Variants in SLMAP observed in about 807,000 individuals in gnomAD.
The protein encoded by SLMAP is sarcolemmal membrane-associated protein.
Under a neutral mutation model 128.8 loss-of-function variants are expected in SLMAP, and 44 were observed. The observed-to-expected ratio is 0.34, with a 90% confidence interval of 0.27 to 0.44. The LOEUF is 0.44. SLMAP is among the 20% of genes least tolerant of loss of function. The probability of loss-of-function intolerance (pLI) is 1.00; values close to 1 mark genes in which losing one functional copy is unlikely to be tolerated. For missense variants in SLMAP, 787 were observed against 985.3 expected (o/e 0.80, Z 2.69); for synonymous variants, 327 against 348.8 (o/e 0.94, Z 0.70).
intron 2 of SLMAP, among the ~76,000 whole-genome samples, chr3:57,799,169 C>T (rs989072318): frequency 6.6e-6 from 1 of 152,154 alleles, no homozygotes; most frequent in East Asian, 1.9e-4. Flanking sequence ...GATACAATAA[C>T]TGATGCTAAG....
chr3:57,925,980 T>G, intron 24 of SLMAP, 46 bp downstream of exon 24: 2 of 1,354,298 alleles, frequency 1.5e-6, no homozygotes, highest in East Asian at 2.5e-5. Flanking sequence ...CCCCGTCACC[T>G]TTTTGTGCCA....
intron 2 of SLMAP, among the ~76,000 whole-genome samples, chr3:57,790,353 A>T (rs1287841187): frequency 6.6e-6 from 1 of 152,170 alleles, no homozygotes; most frequent in Non-Finnish European, 1.5e-5. Context: ...TTTGGCCAAG[A>T]TCACAGATCT....
At chr3:57,855,665 C>A (rs1306016596) in intron 6 of SLMAP, among the ~76,000 whole-genome samples, 9 of 138,594 alleles carry the variant, frequency 6.5e-5, no homozygotes, top group Non-Finnish European at 6.0e-5. Flanking sequence ...TCTTTGAGAC[C>A]AGGAGTTCAA....
At chr3:57,908,147 C>A in intron 18 of SLMAP, 141 bp downstream of exon 18, 1 of 706,056 alleles carries the variant, frequency 1.4e-6, no homozygotes, top group Non-Finnish European at 2.3e-6. Flanking sequence ...TTTACTTGAC[C>A]TCTCTAAACT....
intron 9 of SLMAP, 65 bp downstream of exon 9, chr3:57,860,904 C>G: frequency 7.5e-7 from 1 of 1,329,456 alleles, no homozygotes; most frequent in Non-Finnish European, 1.0e-6. Flanking sequence ...TCAAGCATTC[C>G]AGGATACTTT....
intron 19 of SLMAP, among the ~76,000 whole-genome samples, chr3:57,911,576 CA>C (rs2153689680): frequency 6.6e-6 from 1 of 152,132 alleles, no homozygotes; most frequent in East Asian, 1.9e-4. Context: ...CTCATTAATT[CA>C]ACCAATAATT....
At chr3:57,799,901 T>C (rs2087790130) in intron 2 of SLMAP, among the ~76,000 whole-genome samples, 1 of 152,202 alleles carries the variant, frequency 6.6e-6, no homozygotes, top group Admixed American at 6.5e-5. Flanking sequence ...AAATTTACAG[T>C]ATCCCCTTAA....
chr3:57,818,216 C>T (rs552859551), intron 2 of SLMAP, among the ~76,000 whole-genome samples: 37 of 152,072 alleles, frequency 2.4e-4, no homozygotes, highest in Non-Finnish European at 4.6e-4. Context: ...AGTGCAGTGG[C>T]GCAATCTTGG....
intron 17 of SLMAP, chr3:57,899,638 G>C (rs140724559): frequency 6.6e-6 from 1 of 152,066 alleles, no homozygotes; most frequent in Non-Finnish European, 1.5e-5. Flanking sequence ...GAGCTCAAGC[G>C]TTCCTCTCAC....
rs777232042 is a variant in SLMAP at position 57,896,946 on chromosome 3, T to G, written c.1501+14T>G. The G allele has an allele frequency of 6.2e-7, 1 of 1,613,338 alleles. No individual in the cohort carries two copies. The highest frequency in any genetic ancestry group is 1.1e-5 in the South Asian group (1 of 90,812). Reference sequence around the variant, plus strand: ...CCCTTTTAAAAGGTACTTTAACATGTTTTTATGACATCGTAAACCAGGGTA... The same window carrying G: ...CCCTTTTAAAAGGTACTTTAACATGGTTTTATGACATCGTAAACCAGGGTA... On this transcript the variant is annotated intron_variant, in intron 17 of 24. Coordinates refer to ENST00000671191, the MANE Select transcript of SLMAP (RefSeq NM_001377540.1).
intron 2 of SLMAP, among the ~76,000 whole-genome samples, chr3:57,768,210 T>G (rs574044071): frequency 6.6e-6 from 1 of 152,338 alleles, no homozygotes; most frequent in Admixed American, 6.5e-5. Flanking sequence ...GTTAGTACTG[T>G]ATCTTTTGTC....
intron 2 of SLMAP, among the ~76,000 whole-genome samples, chr3:57,777,919 A>T (rs2082249948): frequency 6.6e-6 from 1 of 152,210 alleles, no homozygotes; most frequent in Admixed American, 6.5e-5. Context: ...GATATGGTGA[A>T]TTTCATTGAT....
At chr3:57,854,037 GTA>G (rs553427706) in intron 6 of SLMAP, among the ~76,000 whole-genome samples, 1 of 85,370 alleles carries the variant, frequency 1.2e-5, no homozygotes, top group Non-Finnish European at 2.3e-5. Flanking sequence ...TATATAATGT[GTA>G]TATATATACA....
At chr3:57,841,408 T>G (rs2093927853) in intron 4 of SLMAP, 37 bp downstream of exon 4, 1 of 1,223,178 alleles carries the variant, frequency 8.2e-7, no homozygotes, top group Non-Finnish European at 1.2e-6. Flanking sequence ...TTTTGTGAAG[T>G]TTAGTACTGT....
chr3:57,783,570 A>G (rs1037721633), intron 2 of SLMAP, among the ~76,000 whole-genome samples: 2 of 152,240 alleles, frequency 1.3e-5, no homozygotes, highest in African/African-American at 4.8e-5. Context: ...AGTTGGATTT[A>G]TAATTAAAAG....
At chr3:57,768,507 C>T (rs571719030) in intron 2 of SLMAP, among the ~76,000 whole-genome samples, 1 of 152,158 alleles carries the variant, frequency 6.6e-6, no homozygotes, top group South Asian at 2.1e-4. Context: ...TTGCTTGAGG[C>T]CAGGATTTCA....
At chr3:57,837,502 G>A (rs2093694400) in intron 3 of SLMAP, among the ~76,000 whole-genome samples, 2 of 152,094 alleles carry the variant, frequency 1.3e-5, no homozygotes, top group Admixed American at 1.3e-4. Context: ...CCTAGTAGCT[G>A]GGACTACAGG....
At chr3:57,859,192 C>T (rs1329676544) in intron 8 of SLMAP, among the ~76,000 whole-genome samples, 1 of 151,686 alleles carries the variant, frequency 6.6e-6, no homozygotes, top group Non-Finnish European at 1.5e-5. Flanking sequence ...GACATGGTGG[C>T]ATGTACCTGT....
At chr3:57,868,428 A>AT (rs897225948) in intron 13 of SLMAP, among the ~76,000 whole-genome samples, 95 of 149,870 alleles carry the variant, frequency 6.3e-4, no homozygotes, top group South Asian at 1.1e-3. Flanking sequence ...GAAAAAAAAA[A>AT]TTTTTTTTTT....
Sources: allele counts gnomAD v4.1 joint callset (sites outside exome capture counted in the v4.1 genomes callset), GRCh38; gene constraint gnomAD v4.1.1; transcripts MANE v1.5; gene names NCBI Gene and HGNC (gene_info 2026-07-23, HGNC 2026-07-21).